The following ERG variants were observed in gnomAD, a reference collection of about 807,000 sequenced individuals.
ERG encodes transcriptional regulator ERG.
A neutral mutation model predicts 55.3 loss-of-function variants in ERG; 9 were observed. The ratio of observed to expected loss-of-function variants is 0.16; its 90% CI spans 0.10 to 0.28. The LOEUF (loss-of-function observed/expected upper bound fraction) is 0.28. Ranked by LOEUF, ERG falls within the 10% of genes least tolerant of loss-of-function variation. The pLI is 1.00. For missense variants in ERG, 434 were observed against 631.6 expected, an observed-to-expected ratio of 0.69 and a Z score of 3.35; for synonymous variants, 223 against 237.3, an observed-to-expected ratio of 0.94 and a Z score of 0.55.
intron 1 of ERG, among the ~76,000 whole-genome samples, chr21:38,457,878 C>T (rs2059004904): frequency 6.6e-6 from 1 of 152,212 alleles, no homozygotes; most frequent in African/African-American, 2.4e-5. Context: ...TGGGGCTACG[C>T]CTACTTCAAA....
intron 1 of ERG, among the ~76,000 whole-genome samples, chr21:38,473,255 C>T (rs2059156908): frequency 6.6e-6 from 1 of 151,552 alleles, no homozygotes; most frequent in South Asian, 2.1e-4. Flanking sequence ...CACATCACTT[C>T]AGCCTCATCT....
At chr21:38,573,657 C>T (rs1388132877) in intron 2 of ERG, among the ~76,000 whole-genome samples, 1 of 152,216 alleles carries the variant, frequency 6.6e-6, no homozygotes, top group East Asian at 1.9e-4. Flanking sequence ...TCACCCTGCT[C>T]TCCTACTACA....
chr21:38,496,403 G>A (rs1372797274), intron 1 of ERG, among the ~76,000 whole-genome samples: 2 of 152,108 alleles, frequency 1.3e-5, no homozygotes, highest in Non-Finnish European at 2.9e-5. Flanking sequence ...TTGCGCTAAC[G>A]TAATTGAAAC....
At chr21:38,647,082 T>C (rs1318641859) in intron 1 of ERG, among the ~76,000 whole-genome samples, 1 of 152,214 alleles carries the variant, frequency 6.6e-6, no homozygotes, top group Non-Finnish European at 1.5e-5. Context: ...CACCTTCTCA[T>C]ACGTGGAAAA....
Position 38,380,313 on chromosome 21 carries a change from A to G in ERG, c.*3090T>C. 9.5e-7 allele frequency: 1 copy of G among 1,055,888 alleles called. No individual in the cohort carries two copies. Among genetic ancestry groups the G allele is most frequent in the South Asian group, 4.6e-5 (1 of 21,904 alleles). The allele number at this position is 1,055,888 out of a possible 1,614,324, so 65.4% of individuals were successfully genotyped here. A position where few individuals can be genotyped will look rare whatever the true frequency, so the allele number is the denominator to read the frequency against. On this transcript the variant is annotated 3_prime_UTR_variant, in exon 10 of 10. Coordinates refer to ENST00000288319, the MANE Select transcript of ERG (RefSeq NM_182918.4). ...TGGGTTGCAGGTGCCACATCTGTGC[A>G]GAAGGCTTAGGAGAAGCAGTGAGCC...
intron 2 of ERG, among the ~76,000 whole-genome samples, chr21:38,549,969 T>C (rs1290921383): frequency 6.6e-6 from 1 of 152,160 alleles, no homozygotes; most frequent in Non-Finnish European, 1.5e-5. Context: ...CAGCAGCCCA[T>C]GGGGTGGAGG....
Position 38,619,803 on chromosome 21 carries a change from T to C in ERG, c.-149-34858A>G, listed in dbSNP as rs73442424. ...CACTTTCCAGTACCTGGAGCATTCA[T>C]TTTATCCTGGAAGATAATTCGTCAT... On this transcript the variant is annotated intron_variant, in intron 1 of 10. Coordinates refer to the ERG transcript ENST00000398910. Among the ~76,000 whole-genome samples the C allele has an allele frequency of 3.2e-3, 486 of 152,364 alleles. 5 individuals carry two copies. The highest frequency in any genetic ancestry group is 0.011 in the African/African-American group (448 of 41,582).
intron 1 of ERG, among the ~76,000 whole-genome samples, chr21:38,654,142 A>G (rs1210784395): frequency 6.6e-6 from 1 of 152,276 alleles, no homozygotes; most frequent in Non-Finnish European, 1.5e-5. Flanking sequence ...AGTTTCATTA[A>G]GAGATATTCG....
intron 2 of ERG, among the ~76,000 whole-genome samples, chr21:38,442,767 G>A (rs899810581): frequency 6.6e-6 from 1 of 152,148 alleles, no homozygotes; most frequent in Non-Finnish European, 1.5e-5. Flanking sequence ...GGAAAACAGT[G>A]TTTGCACTTC....
At chr21:38,612,026 C>T (rs1037120079) in intron 1 of ERG, among the ~76,000 whole-genome samples, 1 of 152,100 alleles carries the variant, frequency 6.6e-6, no homozygotes, top group Non-Finnish European at 1.5e-5. Context: ...AATCATTTTT[C>T]TCAAGTCAGT....
At chr21:38,407,171 G>A (rs1334891574) in intron 3 of ERG, among the ~76,000 whole-genome samples, 1 of 152,156 alleles carries the variant, frequency 6.6e-6, no homozygotes, top group Admixed American at 6.5e-5. Flanking sequence ...AATAGAGGAT[G>A]TGCGCAATGA....
In ERG at chr21:38,380,084, G is replaced by A. The variant is rs772909925; in HGVS notation, c.*3319C>T. The A allele has an allele frequency of 2.8e-5, 29 of 1,019,698 alleles. No homozygotes were observed. The highest frequency in any genetic ancestry group is 1.2e-4 in the Admixed American group (2 of 17,102). 63.2% of individuals were successfully genotyped at this position (1,019,698 alleles called of 1,614,324 possible). ...TTTATTCTCTAATTAGTCACCTCAC[G>A]ACTTTATTTGAATGAATTAATGAGA... On this transcript the variant is annotated 3_prime_UTR_variant, in exon 10 of 10. Transcript: ENST00000288319.
intron 1 of ERG, among the ~76,000 whole-genome samples, chr21:38,448,582 A>G (rs1275167808): frequency 6.6e-6 from 1 of 152,136 alleles, no homozygotes; most frequent in Admixed American, 6.5e-5. Flanking sequence ...AATAAAGAAA[A>G]TCTCTCTCAC....
intron 1 of ERG, among the ~76,000 whole-genome samples, chr21:38,489,987 A>G (rs1263428194): frequency 1.3e-5 from 2 of 152,234 alleles, no homozygotes; most frequent in Non-Finnish European, 2.9e-5. Context: ...TAAGAAGAAT[A>G]GGGAGACACA....
chr21:38,639,323 A>G (rs1351566059), intron 1 of ERG, among the ~76,000 whole-genome samples: 6 of 152,162 alleles, frequency 3.9e-5, no homozygotes. Flanking sequence ...AAATCTAACA[A>G]TCACGAAGAA....
At chr21:38,392,476 A>AATC (rs1569060571) in intron 6 of ERG, 32 bp from the exon 7 acceptor site, 3 of 1,377,892 alleles carry the variant, frequency 2.2e-6, no homozygotes. Flanking sequence ...CTAAAAGATC[A>AATC]ATCATGTAAT....
Position 38,381,341 on chromosome 21 carries a change from A to C in ERG, c.*2062T>G, listed in dbSNP as rs1287491540. 2 of 1,064,136 alleles carry C rather than the reference A, an allele frequency of 1.9e-6. No individual in the cohort carries two copies. The highest frequency in any genetic ancestry group is 1.0e-4 in the East Asian group (2 of 19,936). The allele number at this position is 1,064,136 out of a possible 1,614,324, so 65.9% of individuals were successfully genotyped here. A position where few individuals can be genotyped will look rare whatever the true frequency, so the allele number is the denominator to read the frequency against. The stretch of plus-strand genomic sequence containing the variant: ...TTTTGAGTTGCCTTCACCTGGACCA[A>C]GGTTGGCAGCATTTGTGATTCAAAG... On this transcript the variant is annotated 3_prime_UTR_variant, in exon 10 of 10. Coordinates refer to ENST00000288319, the MANE Select transcript of ERG (RefSeq NM_182918.4).
At chr21:38,432,024 A>G (rs539500765) in intron 2 of ERG, among the ~76,000 whole-genome samples, 1 of 152,244 alleles carries the variant, frequency 6.6e-6, no homozygotes, top group African/African-American at 2.4e-5. Context: ...TTAAAAAAGG[A>G]GAAAACCTTG....
intron 2 of ERG, among the ~76,000 whole-genome samples, chr21:38,508,340 A>G (rs148654505): frequency 1.6e-4 from 25 of 151,986 alleles, no homozygotes; most frequent in African/African-American, 5.5e-4. Context: ...TCTGTATCTT[A>G]TGGGATTTCC....
Sources: allele counts gnomAD v4.1 joint callset (sites outside exome capture counted in the v4.1 genomes callset), GRCh38; gene constraint gnomAD v4.1.1; transcripts MANE v1.5; gene names NCBI Gene and HGNC (gene_info 2026-07-23, HGNC 2026-07-21).